The following ACBD6 variants were observed in gnomAD, a reference collection of about 807,000 sequenced individuals.
ACBD6 encodes the protein acyl-CoA-binding domain-containing protein 6.
ACBD6 carries 28 observed loss-of-function variants against 37.2 expected under a neutral mutation model. The ratio of observed to expected loss-of-function variants is 0.75; its 90% confidence interval spans 0.56 to 1.03. The LOEUF is 1.03. ACBD6 is among the 50% of genes least tolerant of loss of function. The pLI, the probability that ACBD6 is intolerant of heterozygous loss-of-function variation, is 0.00. For synonymous variants in ACBD6, 113 were observed against 126.8 expected (o/e 0.89, Z 0.73); for missense variants, 340 against 337.4 (o/e 1.01, Z -0.06).
chr1:180,348,134 T>C (rs1270279592), intron 6 of ACBD6, among the ~76,000 whole-genome samples: 1 of 152,166 alleles, frequency 6.6e-6, no homozygotes, highest in African/African-American at 2.4e-5. Context: ...AATGAATAAA[T>C]GCACAAAAGA....
At chr1:180,354,710 A>G (rs1198582202) in intron 6 of ACBD6, among the ~76,000 whole-genome samples, 2 of 152,184 alleles carry the variant, frequency 1.3e-5, no homozygotes, top group Admixed American at 1.3e-4. Context: ...GAATGACTGT[A>G]TTAAAGGGAA....
chr1:180,363,947 G>A (rs996252836), intron 6 of ACBD6, among the ~76,000 whole-genome samples: 5 of 152,190 alleles, frequency 3.3e-5, no homozygotes, highest in Admixed American at 1.3e-4. Flanking sequence ...GATTAAGTCG[G>A]CAAGTACTAG....
chr1:180,491,548 C>A (rs1651503089), intron 3 of ACBD6, among the ~76,000 whole-genome samples: 1 of 152,046 alleles, frequency 6.6e-6, no homozygotes, highest in African/African-American at 2.4e-5. Context: ...TATGTTTTAT[C>A]TTCTCTATTA....
intron 3 of ACBD6, among the ~76,000 whole-genome samples, chr1:180,465,735 T>C (rs112205896): frequency 0.11 from 16,345 of 152,082 alleles, 1,285 homozygotes; most frequent in African/African-American, 0.21. Flanking sequence ...GCACTGTTCA[T>C]AATAGCAAAG....
At chr1:180,475,265 C>T (rs370704622) in intron 3 of ACBD6, among the ~76,000 whole-genome samples, 13 of 152,172 alleles carry the variant, frequency 8.5e-5, no homozygotes, top group African/African-American at 3.1e-4. Context: ...ACATATATAT[C>T]CACCATCTCG....
chr1:180,386,000 T>C (rs1653833813), intron 6 of ACBD6, among the ~76,000 whole-genome samples: 1 of 152,124 alleles, frequency 6.6e-6, no homozygotes, highest in Non-Finnish European at 1.5e-5. Flanking sequence ...TGAAACCCTG[T>C]CTCTACTAAA....
chr1:180,502,103 C>T lies in ACBD6; in HGVS notation c.164G>A (p.Gly55Asp), dbSNP rs778871929. ...CTCCCTGCTGGCCACCTGAATCAGG[C>T]CTTGCAGGTGCGCGGCAGCCTTCTC... Reference protein sequence around the residue: ...LFEKAAAHLQGLIQVASREQL... With the variant: ...LFEKAAAHLQDLIQVASREQL... Residue 55 changes from glycine to aspartate, a missense_variant, in exon 1 of 8, where the codon GGC becomes GAC. Gly to Asp is a moderately conservative substitution (Grantham distance 94). Transcript: ENST00000367595. 3.7e-6 allele frequency: 6 copies of T among 1,613,900 alleles called. No individual in the cohort carries two copies. Among genetic ancestry groups the T allele is most frequent in the Non-Finnish European group, 4.2e-6 (5 of 1,179,916 alleles).
chr1:180,429,612 C>T (rs192368653), intron 4 of ACBD6, among the ~76,000 whole-genome samples: 2 of 152,266 alleles, frequency 1.3e-5, no homozygotes, highest in East Asian at 3.9e-4. Context: ...TCTTGAGAAA[C>T]AGAATTGGTG....
chr1:180,390,579 T>C (rs1453408096), intron 6 of ACBD6, among the ~76,000 whole-genome samples: 1 of 152,178 alleles, frequency 6.6e-6, no homozygotes, highest in Admixed American at 6.5e-5. Context: ...ATTGAATCTA[T>C]AAATTACCTT....
intron 6 of ACBD6, among the ~76,000 whole-genome samples, chr1:180,372,347 A>G (rs1475060301): frequency 1.3e-5 from 2 of 152,202 alleles, no homozygotes; most frequent in Non-Finnish European, 2.9e-5. Context: ...AGTTACAGAC[A>G]TCATGACATC....
chr1:180,317,132 C>T (rs114897518), intron 6 of ACBD6, among the ~76,000 whole-genome samples: 1,750 of 152,244 alleles, frequency 0.011, 40 homozygotes, highest in African/African-American at 0.039. Context: ...TAGAAGTGTG[C>T]GCACACAGAA....
At chr1:180,376,673 C>A (rs1653447982) in intron 6 of ACBD6, among the ~76,000 whole-genome samples, 1 of 151,946 alleles carries the variant, frequency 6.6e-6, no homozygotes, top group Non-Finnish European at 1.5e-5. Context: ...AAAGATAAAT[C>A]AGAAACAAAG....
intron 3 of ACBD6, among the ~76,000 whole-genome samples, chr1:180,441,716 C>T (rs1275933256): frequency 1.3e-5 from 2 of 152,190 alleles, no homozygotes; most frequent in Non-Finnish European, 2.9e-5. Context: ...TTTCTGCATG[C>T]TGATCTTATG....
exon 14 of ACBD6, chr1:180,271,868 C>T (rs762641559): frequency 3.1e-6 from 5 of 1,613,574 alleles, no homozygotes; most frequent in South Asian, 1.1e-5. Context: ...CAAAGAGAAA[C>T]GCCTGAAGAA....
chr1:180,482,133 ATT>A (rs1444979461), intron 3 of ACBD6, among the ~76,000 whole-genome samples: 4 of 152,166 alleles, frequency 2.6e-5, no homozygotes, highest in African/African-American at 9.6e-5. Flanking sequence ...CTGTTTAGTT[ATT>A]TTTTTAAATA....
At chr1:180,271,471 G>A (rs1339478361) in exon 14 of ACBD6, 1 of 1,614,196 alleles carries the variant, frequency 6.2e-7, no homozygotes, top group Admixed American at 1.7e-5. Context: ...ACTCCCCCAA[G>A]CCTGCCCGGC....
At chr1:180,414,903 T>A (rs1415712723) in intron 4 of ACBD6, among the ~76,000 whole-genome samples, 1 of 152,080 alleles carries the variant, frequency 6.6e-6, no homozygotes, top group African/African-American at 2.4e-5. Context: ...ATTCTGATTT[T>A]AGAAAGTAGA....
chr1:180,331,142 TATA>T (rs1651463983), intron 6 of ACBD6, among the ~76,000 whole-genome samples: 1 of 152,182 alleles, frequency 6.6e-6, no homozygotes, highest in African/African-American at 2.4e-5. Flanking sequence ...AGTGCCACAA[TATA>T]ACAGTAGCTT....
chr1:180,348,955 A>G (rs1652295978), intron 6 of ACBD6, among the ~76,000 whole-genome samples: 1 of 152,172 alleles, frequency 6.6e-6, no homozygotes, highest in Non-Finnish European at 1.5e-5. Flanking sequence ...ACAAAATATC[A>G]TTAGGAATCA....
Sources: gnomAD v4.1 joint callset for allele counts (sites outside exome capture counted in the v4.1 genomes callset) on GRCh38, gnomAD v4.1.1 for gene constraint, MANE v1.5 for transcripts, NCBI Gene and HGNC (gene_info 2026-07-23, HGNC 2026-07-21) for gene names.